NKAIN3: variants seen among roughly 807,000 people sequenced by gnomAD.
NKAIN3 encodes the protein sodium/potassium-transporting ATPase subunit beta-1-interacting protein 3.
NKAIN3 carries 25 observed loss-of-function variants against 30.2 expected under a neutral mutation model. The observed-to-expected ratio is 0.83, with a 90% confidence interval of 0.60 to 1.16. The LOEUF (loss-of-function observed/expected upper bound fraction) is 1.16, where lower values mean the gene tolerates loss of function less well. NKAIN3 is among the 50% of genes most tolerant of loss of function. NKAIN3 has a pLI of 0.00. For synonymous variants in NKAIN3, 91 were observed against 89.6 expected (o/e 1.02, Z -0.09); for missense variants, 225 against 254.1 (o/e 0.89, Z 0.78).
At chr8:62,333,121 G>A (rs1054993885) in intron 1 of NKAIN3, among the ~76,000 whole-genome samples, 1 of 152,076 alleles carries the variant, frequency 6.6e-6, no homozygotes, top group African/African-American at 2.4e-5. Flanking sequence ...GTACAGAAAT[G>A]TGTAATTTCT....
chr8:62,385,634 C>T (rs559773210), intron 1 of NKAIN3, among the ~76,000 whole-genome samples: 8 of 152,092 alleles, frequency 5.3e-5, no homozygotes, highest in African/African-American at 1.2e-4. Context: ...AATCAATATA[C>T]GGGATAGTTC....
At chr8:62,666,970 T>C (rs990399994) in intron 3 of NKAIN3, among the ~76,000 whole-genome samples, 2 of 152,046 alleles carry the variant, frequency 1.3e-5, no homozygotes, top group Non-Finnish European at 2.9e-5. Flanking sequence ...CTGTAGGATA[T>C]ATAAAAAATT....
At chr8:62,815,330 A>G (rs951640990) in intron 4 of NKAIN3, among the ~76,000 whole-genome samples, 3 of 152,278 alleles carry the variant, frequency 2.0e-5, no homozygotes, top group Admixed American at 6.5e-5. Context: ...AAACTATTCC[A>G]ATCAATAGGA....
In NKAIN3 at chr8:62,746,928, C is replaced by T. The variant is rs753763489; in HGVS notation, c.274-4C>T. The T allele has an allele frequency of 6.3e-7, 1 of 1,593,698 alleles. No homozygotes were observed. Among genetic ancestry groups the T allele is most frequent in the Non-Finnish European group, 8.6e-7 (1 of 1,163,436 alleles). ...TTTTGCTCTTTTGTCTCCTACCCAC[C>T]TAGGACACCGATCTAATGACATTCA... On this transcript the variant is annotated splice_region_variant and splice_polypyrimidine_tract_variant and intron_variant, in intron 3 of 6. Transcript: ENST00000623646.
chr8:62,849,124 T>A (rs1350486855), intron 4 of NKAIN3, among the ~76,000 whole-genome samples: 3 of 152,062 alleles, frequency 2.0e-5, no homozygotes, highest in African/African-American at 7.2e-5. Context: ...AAAGTTTTCC[T>A]TTTTTGTCAT....
At chr8:62,683,033 GT>G (rs1363131445) in intron 3 of NKAIN3, among the ~76,000 whole-genome samples, 2 of 151,902 alleles carry the variant, frequency 1.3e-5, no homozygotes, top group Admixed American at 1.3e-4. Flanking sequence ...TTTTTTGTTT[GT>G]TTGTTTGTTT....
intron 1 of NKAIN3, among the ~76,000 whole-genome samples, chr8:62,339,999 C>A (rs1815689302): frequency 6.6e-6 from 1 of 151,956 alleles, no homozygotes; most frequent in Admixed American, 6.6e-5. Flanking sequence ...AGGTTTAATA[C>A]CTTTTCCTCA....
intron 6 of NKAIN3, among the ~76,000 whole-genome samples, chr8:62,955,041 T>G (rs1026370004): frequency 6.6e-6 from 1 of 152,118 alleles, no homozygotes; most frequent in Non-Finnish European, 1.5e-5. Context: ...GCTGCCTCTT[T>G]GCCACAGTGG....
At chr8:62,608,141 A>G (rs1406512038) in intron 3 of NKAIN3, among the ~76,000 whole-genome samples, 2 of 152,152 alleles carry the variant, frequency 1.3e-5, no homozygotes, top group Admixed American at 6.6e-5. Flanking sequence ...CACCCTTTCT[A>G]TATTTGCCCA....
intron 2 of NKAIN3, among the ~76,000 whole-genome samples, chr8:62,585,842 T>C (rs887546006): frequency 2.0e-5 from 3 of 152,176 alleles, no homozygotes; most frequent in African/African-American, 7.2e-5. Context: ...CAAAGCATTG[T>C]TGTAGAATCA....
At chr8:62,920,594 C>T (rs1369407207) in intron 5 of NKAIN3, among the ~76,000 whole-genome samples, 1 of 152,162 alleles carries the variant, frequency 6.6e-6, no homozygotes, top group Non-Finnish European at 1.5e-5. Flanking sequence ...ACTTTGATGT[C>T]TTTAATTAAC....
chr8:62,855,907 G>T (rs1006407851), intron 4 of NKAIN3: 3 of 762,158 alleles, frequency 3.9e-6, no homozygotes, highest in Admixed American at 1.7e-5. Flanking sequence ...TTCCTGCGGG[G>T]TGTGTATCTG....
At chr8:62,618,599 GAAGAAAGAAGA>G (rs1252778524) in intron 3 of NKAIN3, among the ~76,000 whole-genome samples, 1 of 151,782 alleles carries the variant, frequency 6.6e-6, no homozygotes, top group Non-Finnish European at 1.5e-5. Flanking sequence ...AAAGAAACAA[GAAGAAAGAAGA>G]AAGAAAGAAA....
intron 1 of NKAIN3, among the ~76,000 whole-genome samples, chr8:62,500,942 G>A (rs1807430678): frequency 6.6e-6 from 1 of 152,104 alleles, no homozygotes; most frequent in African/African-American, 2.4e-5. Context: ...AACGGGGATT[G>A]CTAGGCCAAA....
At chr8:62,658,998 G>A (rs747158603) in intron 3 of NKAIN3, among the ~76,000 whole-genome samples, 3 of 151,938 alleles carry the variant, frequency 2.0e-5, no homozygotes, top group Admixed American at 6.6e-5. Context: ...CCACTGGAGA[G>A]GCATATCCCA....
intron 4 of NKAIN3, among the ~76,000 whole-genome samples, chr8:62,883,016 C>T (rs1821032787): frequency 6.6e-6 from 1 of 152,094 alleles, no homozygotes; most frequent in Non-Finnish European, 1.5e-5. Context: ...CAACTTTTTT[C>T]TTCTTTACAT....
At chr8:62,476,302 G>A (rs1462919466) in intron 1 of NKAIN3, among the ~76,000 whole-genome samples, 1 of 152,224 alleles carries the variant, frequency 6.6e-6, no homozygotes, top group Non-Finnish European at 1.5e-5. Context: ...GAATTTAGAA[G>A]AGTTGAGCCC....
intron 1 of NKAIN3, among the ~76,000 whole-genome samples, chr8:62,322,258 G>A (rs554983869): frequency 2.1e-4 from 32 of 152,310 alleles, no homozygotes; most frequent in East Asian, 1.9e-3. Context: ...AGGGAATTCC[G>A]TGACCCTTTG....
chr8:62,294,595 A>G (rs1813767132), intron 1 of NKAIN3, among the ~76,000 whole-genome samples: 1 of 152,192 alleles, frequency 6.6e-6, no homozygotes. Context: ...TCACCCAGAT[A>G]GGTGTGCAGT....
Sources: allele counts gnomAD v4.1 joint callset (sites outside exome capture counted in the v4.1 genomes callset), GRCh38; gene constraint gnomAD v4.1.1; transcripts MANE v1.5; gene names NCBI Gene and HGNC (gene_info 2026-07-23, HGNC 2026-07-21).